ALKAL1: variants seen among roughly 807,000 people sequenced by gnomAD.
ALKAL1 encodes the protein AUG-beta.
A neutral mutation model predicts 13.5 loss-of-function variants in ALKAL1; 23 were observed. That is an observed-to-expected ratio of 1.70 (90% CI 1.23 to 2.41). The LOEUF (loss-of-function observed/expected upper bound fraction) is 2.41, where lower values mean the gene tolerates loss of function less well. ALKAL1 is among the 30% of genes most tolerant of loss of function. The pLI is 0.00. For synonymous variants in ALKAL1, 85 were observed against 77.7 expected (o/e 1.09, Z -0.49); for missense variants, 181 against 178.4 (o/e 1.01, Z -0.08).
chr8:52,565,054 G>A lies in ALKAL1; in HGVS notation c.190+13C>T. The A allele has an allele frequency of 7.3e-7, 1 of 1,379,000 alleles. No homozygotes were observed. The highest frequency in any genetic ancestry group is 9.4e-7 in the Non-Finnish European group (1 of 1,065,176). The allele number at this position is 1,379,000 out of a possible 1,614,324, so 85.4% of individuals were successfully genotyped here. On this transcript the variant is annotated intron_variant, in intron 1 of 4. Transcript: ENST00000358543. ...CGCAGGGCAAAGGATGGGGCGGGAT[G>A]GGGACATCGTACCTGCGCTCCGGGA...
intron 4 of ALKAL1, among the ~76,000 whole-genome samples, chr8:52,537,286 C>A (rs887571339): frequency 2.0e-5 from 3 of 152,096 alleles, no homozygotes; most frequent in African/African-American, 7.2e-5. Flanking sequence ...CATCTCACTT[C>A]AGTTAGAATG....
At chr8:52,549,283 C>T (rs1336685931) in intron 1 of ALKAL1, among the ~76,000 whole-genome samples, 6 of 151,792 alleles carry the variant, frequency 4.0e-5, no homozygotes, top group Non-Finnish European at 8.8e-5. Flanking sequence ...TAACAAGTTC[C>T]CATTTCAAAA....
intron 1 of ALKAL1, among the ~76,000 whole-genome samples, chr8:52,563,910 A>G (rs188989139): frequency 6.6e-6 from 1 of 152,354 alleles, no homozygotes; most frequent in East Asian, 1.9e-4. Context: ...GAGAGTGCAG[A>G]CACTGCTGTC....
chr8:52,543,836 G>C (rs902519352), intron 1 of ALKAL1, among the ~76,000 whole-genome samples: 1 of 152,072 alleles, frequency 6.6e-6, no homozygotes, highest in African/African-American at 2.4e-5. Flanking sequence ...TGTGGTTAAG[G>C]CATGCTCAAA....
intron 1 of ALKAL1, among the ~76,000 whole-genome samples, chr8:52,560,092 T>C (rs1341533636): frequency 6.6e-6 from 1 of 152,046 alleles, no homozygotes; most frequent in African/African-American, 2.4e-5. Flanking sequence ...CAAACTAATA[T>C]GAGTTTCAGT....
In ALKAL1 at chr8:52,565,099, G is replaced by C. The variant is rs1425914910; in HGVS notation, c.158C>G (p.Ala53Gly). 2.1e-6 allele frequency: 3 copies of C among 1,417,636 alleles called. No homozygotes were observed. Among genetic ancestry groups the C allele is most frequent in the Non-Finnish European group, 2.8e-6 (3 of 1,081,110 alleles). The allele number at this position is 1,417,636 out of a possible 1,614,324, so 87.8% of individuals were successfully genotyped here. The change falls in exon 1 of 5, where the codon GCC becomes GGC. Residue 53 changes from alanine to glycine, a missense_variant. Transcript: ENST00000358543. The part of the protein sequence containing the change: ...KPLLFLPAAG[A>G]GRTPSGSRSA... Reference sequence around the variant, plus strand: ...CCGGGAGCCGCTGGGAGTCCGGCCGGCCCCGGCCGCGGGGAGGAAAAGCAA... The same window carrying C: ...CCGGGAGCCGCTGGGAGTCCGGCCGCCCCCGGCCGCGGGGAGGAAAAGCAA...
rs74688747 is a variant in ALKAL1 at position 52,544,061 on chromosome 8, C to A, written c.191-1616G>T. 1.5e-3 allele frequency among the ~76,000 whole-genome samples: 230 copies of A among 151,986 alleles called. 4 individuals are homozygous for A. The East Asian group carries it at 0.039, about 26-fold the overall frequency. On this transcript the variant is annotated intron_variant, in intron 1 of 4. Coordinates refer to ENST00000358543, the MANE Select transcript of ALKAL1 (RefSeq NM_207413.4). Reference sequence around the variant, plus strand: ...GGGGCACCGTGTGTGTCTGTCTTCCCCACAATTATGGCTTCCTGAGGAAAG... The same window carrying A: ...GGGGCACCGTGTGTGTCTGTCTTCCACACAATTATGGCTTCCTGAGGAAAG...
chr8:52,537,405 G>C (rs1298323432), intron 4 of ALKAL1, among the ~76,000 whole-genome samples: 1 of 152,174 alleles, frequency 6.6e-6, no homozygotes, highest in African/African-American at 2.4e-5. Context: ...ATGAACAACA[G>C]TATGGAAGTT....
Position 52,539,815 on chromosome 8 carries a change from C to T in ALKAL1, c.325+16G>A, listed in dbSNP as rs62499910. The T allele has an allele frequency of 6.4e-7, 1 of 1,561,110 alleles. No homozygotes were observed. The highest frequency in any genetic ancestry group is 1.2e-5 in the South Asian group (1 of 83,178). On this transcript the variant is annotated intron_variant, in intron 3 of 4. Coordinates refer to ENST00000358543, the MANE Select transcript of ALKAL1 (RefSeq NM_207413.4). ...TTGGATAATTAAAAAAAAAAAAACCCACCCAAGTTACTTACAAGCTGGCGT... is the reference window on the plus strand; with the variant it reads ...TTGGATAATTAAAAAAAAAAAAACCTACCCAAGTTACTTACAAGCTGGCGT...
chr8:52,557,171 T>C (rs1266427230), intron 1 of ALKAL1, among the ~76,000 whole-genome samples: 1 of 152,248 alleles, frequency 6.6e-6, no homozygotes, highest in Admixed American at 6.5e-5. Flanking sequence ...GAAGCAGTCA[T>C]GATGATATTC....
At chr8:52,555,218 C>A (rs1320988972) in intron 1 of ALKAL1, among the ~76,000 whole-genome samples, 2 of 151,180 alleles carry the variant, frequency 1.3e-5, no homozygotes, top group Non-Finnish European at 2.9e-5. Context: ...CCACTGGAGT[C>A]AACTGGAGTC....
At chr8:52,547,480 A>G (rs1847382309) in intron 1 of ALKAL1, among the ~76,000 whole-genome samples, 1 of 152,200 alleles carries the variant, frequency 6.6e-6, no homozygotes, top group Non-Finnish European at 1.5e-5. Flanking sequence ...AGCCTGGGTG[A>G]CAGAGCAAGA....
intron 1 of ALKAL1, among the ~76,000 whole-genome samples, chr8:52,551,357 C>T (rs1283434867): frequency 6.6e-6 from 1 of 152,026 alleles, no homozygotes; most frequent in Non-Finnish European, 1.5e-5. Flanking sequence ...TGCAGTGGTA[C>T]AATCATAGCT....
At chr8:52,537,777 A>T (rs1475674705) in intron 4 of ALKAL1, among the ~76,000 whole-genome samples, 1 of 151,716 alleles carries the variant, frequency 6.6e-6, no homozygotes, top group Non-Finnish European at 1.5e-5. Context: ...AGCTCATAGA[A>T]GTAGAGAGTA....
intron 1 of ALKAL1, among the ~76,000 whole-genome samples, chr8:52,557,218 T>C (rs1847493740): frequency 6.6e-6 from 1 of 152,162 alleles, no homozygotes; most frequent in African/African-American, 2.4e-5. Context: ...GCCCGGGTGG[T>C]GCTTGGAGAG....
At chr8:52,559,918 C>T (rs1847530466) in intron 1 of ALKAL1, among the ~76,000 whole-genome samples, 1 of 151,748 alleles carries the variant, frequency 6.6e-6, no homozygotes, top group African/African-American at 2.4e-5. Flanking sequence ...GTTAAAGAAA[C>T]CTGCAAAGTT....
At chr8:52,554,934 G>A (rs540201792) in intron 1 of ALKAL1, among the ~76,000 whole-genome samples, 6 of 152,348 alleles carry the variant, frequency 3.9e-5, no homozygotes, top group East Asian at 1.9e-4. Context: ...CACTTTGGGA[G>A]GCTGAGGCGG....
At chr8:52,551,147 TATAA>T (rs1847423708) in intron 1 of ALKAL1, among the ~76,000 whole-genome samples, 1 of 152,244 alleles carries the variant, frequency 6.6e-6, no homozygotes, top group Non-Finnish European at 1.5e-5. Flanking sequence ...ATAACTTTTA[TATAA>T]ATAAATATAT....
At chr8:52,538,581 A>G (rs1272608331) in intron 3 of ALKAL1, 74 bp from the exon 4 acceptor site, 1 of 924,550 alleles carries the variant, frequency 1.1e-6, no homozygotes, top group Non-Finnish European at 1.7e-6. Flanking sequence ...TATTATTGTC[A>G]CTAATTCATA....
Sources: allele counts gnomAD v4.1 joint callset (sites outside exome capture counted in the v4.1 genomes callset), GRCh38; gene constraint gnomAD v4.1.1; transcripts MANE v1.5; gene names NCBI Gene and HGNC (gene_info 2026-07-23, HGNC 2026-07-21).